EEPD1: variants seen among roughly 807,000 people sequenced by gnomAD.
EEPD1 encodes the protein endonuclease/exonuclease/phosphatase family domain-containing protein 1.
EEPD1 carries 17 observed loss-of-function variants against 46.3 expected under a neutral mutation model. That is an observed-to-expected ratio of 0.37 (90% CI 0.25 to 0.55). The LOEUF is 0.55. Among genes scored for constraint, EEPD1 ranks in the 20% least tolerant of loss-of-function variants. The pLI, the probability that EEPD1 is intolerant of heterozygous loss-of-function variation, is 0.83. For missense variants in EEPD1, 673 were observed against 745.6 expected, an observed-to-expected ratio of 0.90 and a Z score of 1.13; for synonymous variants, 313 against 315.6, an observed-to-expected ratio of 0.99 and a Z score of 0.09.
At chr7:36,289,270 G>A (rs1315140491) in intron 6 of EEPD1, among the ~76,000 whole-genome samples, 2 of 152,092 alleles carry the variant, frequency 1.3e-5, no homozygotes, top group East Asian at 1.9e-4. Context: ...ACCACCATCC[G>A]TCTCCAGAAC....
intron 2 of EEPD1, among the ~76,000 whole-genome samples, chr7:36,211,768 T>A (rs2115726477): frequency 6.6e-6 from 1 of 151,878 alleles, no homozygotes; most frequent in African/African-American, 2.4e-5. Flanking sequence ...CTACTAAAAG[T>A]ACAAAAATTA....
chr7:36,215,805 C>A (rs1028674392), intron 2 of EEPD1, among the ~76,000 whole-genome samples: 1 of 152,238 alleles, frequency 6.6e-6, no homozygotes, highest in Admixed American at 6.5e-5. Flanking sequence ...GGAGACCCTG[C>A]TCCCCTTCTG....
At chr7:36,257,977 C>G (rs1786853583) in intron 3 of EEPD1, among the ~76,000 whole-genome samples, 1 of 152,174 alleles carries the variant, frequency 6.6e-6, no homozygotes, top group African/African-American at 2.4e-5. Context: ...TACCTTTGGT[C>G]TTTGATGGTG....
At chr7:36,237,270 C>G (rs942601140) in intron 2 of EEPD1, among the ~76,000 whole-genome samples, 1 of 152,266 alleles carries the variant, frequency 6.6e-6, no homozygotes, top group East Asian at 1.9e-4. Context: ...ACACTCACCG[C>G]GAGGTTCCAC....
At chr7:36,192,901 A>G (rs1249049331) in intron 2 of EEPD1, among the ~76,000 whole-genome samples, 2 of 152,136 alleles carry the variant, frequency 1.3e-5, no homozygotes, top group African/African-American at 2.4e-5. Flanking sequence ...CATGAGGATG[A>G]GTGGTGGCCA....
chr7:36,248,381 A>T (rs145922420), intron 3 of EEPD1, among the ~76,000 whole-genome samples: 2 of 151,110 alleles, frequency 1.3e-5, no homozygotes, highest in Non-Finnish European at 2.9e-5. Context: ...AATTTTTTCT[A>T]TTTTTAGTAG....
intron 3 of EEPD1, among the ~76,000 whole-genome samples, chr7:36,254,801 GT>G (rs1786803131): frequency 6.6e-6 from 1 of 152,168 alleles, no homozygotes; most frequent in African/African-American, 2.4e-5. Flanking sequence ...AGCATCTGTT[GT>G]TTCCTGACTT....
At chr7:36,176,857 A>G (rs759774609) in intron 2 of EEPD1, among the ~76,000 whole-genome samples, 13 of 152,356 alleles carry the variant, frequency 8.5e-5, no homozygotes, top group Non-Finnish European at 1.3e-4. Flanking sequence ...TATACAAACT[A>G]AAAATAAAGC....
intron 3 of EEPD1, among the ~76,000 whole-genome samples, chr7:36,257,819 C>T (rs772061469): frequency 2.0e-5 from 3 of 152,240 alleles, no homozygotes; most frequent in Non-Finnish European, 4.4e-5. Context: ...CTGAAGCCTA[C>T]TTCTGTCAGT....
intron 2 of EEPD1, among the ~76,000 whole-genome samples, chr7:36,235,025 C>A (rs1014895087): frequency 1.8e-4 from 27 of 149,168 alleles, no homozygotes; most frequent in Non-Finnish European, 3.3e-4. Context: ...GCCTCCAGCC[C>A]AGGCCTCCCC....
At chr7:36,212,498 A>G (rs1490455362) in intron 2 of EEPD1, among the ~76,000 whole-genome samples, 1 of 61,220 alleles carries the variant, frequency 1.6e-5, no homozygotes, top group South Asian at 4.3e-4. Flanking sequence ...GTACATATAC[A>G]CCAGAATACA....
At chr7:36,258,885 GA>G (rs35478776) in intron 3 of EEPD1, among the ~76,000 whole-genome samples, 13,831 of 115,098 alleles carry the variant, frequency 0.12, 782 homozygotes, top group Admixed American at 0.19. Context: ...ACTGGGGTAT[GA>G]AAAAAAAAAA....
At chr7:36,210,712 G>A (rs1351632971) in intron 2 of EEPD1, among the ~76,000 whole-genome samples, 2 of 152,058 alleles carry the variant, frequency 1.3e-5, no homozygotes, top group Non-Finnish European at 2.9e-5. Context: ...CTTCCCACCT[G>A]CGCATTTGCT....
chr7:36,280,059 C>T (rs1444622735), intron 3 of EEPD1, among the ~76,000 whole-genome samples: 1 of 152,064 alleles, frequency 6.6e-6, no homozygotes, highest in African/African-American at 2.4e-5. Flanking sequence ...GGAAGGAGTT[C>T]GAGCAGCGGG....
intron 2 of EEPD1, among the ~76,000 whole-genome samples, chr7:36,156,414 T>C (rs1348765872): frequency 3.3e-5 from 5 of 152,166 alleles, no homozygotes; most frequent in Non-Finnish European, 7.4e-5. Context: ...TTTTGCAGCC[T>C]AACTCACTCC....
chr7:36,241,502 A>G (rs1786553296), intron 3 of EEPD1, among the ~76,000 whole-genome samples: 1 of 152,046 alleles, frequency 6.6e-6, no homozygotes, highest in African/African-American at 2.4e-5. Context: ...ATAAATAACC[A>G]TCAGACAAAG....
chr7:36,285,214 T>C (rs1204189800), intron 5 of EEPD1, among the ~76,000 whole-genome samples: 2 of 152,200 alleles, frequency 1.3e-5, no homozygotes, highest in Non-Finnish European at 2.9e-5. Flanking sequence ...GCCCCTTCAG[T>C]GATCCTTCAC....
chr7:36,211,980 A>T (rs1562688563), intron 2 of EEPD1, among the ~76,000 whole-genome samples: 1 of 152,240 alleles, frequency 6.6e-6, no homozygotes, highest in Non-Finnish European at 1.5e-5. Flanking sequence ...AACAAAATGT[A>T]AAGTTAATGT....
intron 3 of EEPD1, among the ~76,000 whole-genome samples, chr7:36,258,885 G>GAAA (rs35478776): frequency 1.9e-4 from 22 of 115,088 alleles, no homozygotes; most frequent in East Asian, 8.0e-4. Context: ...ACTGGGGTAT[G>GAAA]AAAAAAAAAA....
Sources: allele counts gnomAD v4.1 joint callset (sites outside exome capture counted in the v4.1 genomes callset), GRCh38; gene constraint gnomAD v4.1.1; transcripts MANE v1.5; gene names NCBI Gene and HGNC (gene_info 2026-07-23, HGNC 2026-07-21).